Variants in RTCA observed in about 807,000 individuals in gnomAD.
The protein encoded by RTCA is RNA terminal phosphate cyclase domain 1.
In RTCA, 37 loss-of-function variants were observed where a neutral mutation model predicts 46.1. The observed-to-expected ratio is 0.80, with a 90% CI of 0.62 to 1.06. The LOEUF is 1.06. Ranked by LOEUF, RTCA falls within the 50% of genes least tolerant of loss-of-function variation. The pLI is 0.00. For missense variants in RTCA, 435 were observed against 455.5 expected, an observed-to-expected ratio of 0.95 and a Z score of 0.41; for synonymous variants, 164 against 158.3, an observed-to-expected ratio of 1.04 and a Z score of -0.27.
Position 100,292,502 on chromosome 1 carries a change from C to G in RTCA, c.*998C>G, listed in dbSNP as rs1246792420. ...ATTTTTAGTAGAGACGGGGTTTCAC[C>G]ATGTTGGCTAGGATGGTCTCCATCT... is the stretch of plus-strand genomic sequence containing the variant. On this transcript the variant is annotated 3_prime_UTR_variant, in exon 11 of 11. Transcript: ENST00000370128. 6.6e-6 allele frequency: 1 copy of G among 151,878 alleles called. No homozygotes were observed. Among genetic ancestry groups the G allele is most frequent in the African/African-American group, 2.4e-5 (1 of 41,306 alleles). The allele number at this position is 151,878 out of a possible 1,614,324, so 9.4% of individuals were successfully genotyped here. A position where few individuals can be genotyped will look rare whatever the true frequency, so the allele number is the denominator to read the frequency against.
At chr1:100,270,475 A>G (rs891781158) in intron 3 of RTCA, 82 bp from the exon 4 acceptor site, 3 of 1,538,582 alleles carry the variant, frequency 1.9e-6, no homozygotes, top group Non-Finnish European at 2.6e-6. Context: ...GTAGTGATGA[A>G]CAAGAATATA....
At chr1:100,288,799 A>G (rs1030029448) in intron 10 of RTCA, among the ~76,000 whole-genome samples, 8 of 151,994 alleles carry the variant, frequency 5.3e-5, no homozygotes, top group African/African-American at 1.9e-4. Flanking sequence ...CCCTACTCCT[A>G]TTTGTATGAT....
At chr1:100,275,365 C>A (rs1341502580) in intron 6 of RTCA, among the ~76,000 whole-genome samples, 1 of 152,146 alleles carries the variant, frequency 6.6e-6, no homozygotes, top group East Asian at 1.9e-4. Context: ...TGCACATGTA[C>A]CTCCTGAACC....
At chr1:100,279,242 G>A (rs4504908) in intron 8 of RTCA, among the ~76,000 whole-genome samples, 116,013 of 152,092 alleles carry the variant, frequency 0.76, 46,403 homozygotes, top group East Asian at 0.94. Context: ...GGATTCAAAA[G>A]TGACAGCTAT....
chr1:100,283,030 C>G (rs1557978924), intron 8 of RTCA, among the ~76,000 whole-genome samples: 1 of 151,906 alleles, frequency 6.6e-6, no homozygotes, highest in Non-Finnish European at 1.5e-5. Flanking sequence ...CTCCTGTACT[C>G]AAGCTATCTG....
chr1:100,275,361 T>A (rs975956305), intron 6 of RTCA, among the ~76,000 whole-genome samples: 1 of 152,194 alleles, frequency 6.6e-6, no homozygotes, highest in African/African-American at 2.4e-5. Context: ...AACCTGCACA[T>A]GTACCTCCTG....
In RTCA at chr1:100,270,558, A is replaced by G; in HGVS notation, c.292A>G (p.Ser98Gly). 1.2e-6 allele frequency: 2 copies of G among 1,613,790 alleles called. No homozygotes were observed. The highest frequency in any genetic ancestry group is 1.7e-6 in the Non-Finnish European group (2 of 1,179,874). ...AAGCCCCTTCTGCCTTCTCCTTAGG[A>G]GTGTGTGCCTCTTGATGCAGGTCTC... ...IHTADTKTAG[S>G]VCLLMQVSMP... is the part of the protein sequence containing the mutation. Residue 98 changes from serine (S) to glycine (G), a missense_variant and splice_region_variant, in exon 4 of 11, where the codon AGT becomes GGT. Transcript: ENST00000370128.
intron 2 of RTCA, chr1:100,267,584 T>C (rs1166434669): frequency 2.0e-6 from 3 of 1,515,524 alleles, no homozygotes; most frequent in South Asian, 1.3e-5. Context: ...GCTCCAGGCC[T>C]GTCTTTTTGC....
At chr1:100,274,708 A>G (rs1666279354) in intron 5 of RTCA, 116 bp from the exon 6 acceptor site, 1 of 1,152,002 alleles carries the variant, frequency 8.7e-7, no homozygotes, top group Non-Finnish European at 1.2e-6. Context: ...TAAAATATTT[A>G]GACCTTTCCA....
intron 8 of RTCA, among the ~76,000 whole-genome samples, chr1:100,278,687 G>A (rs1666532708): frequency 6.6e-6 from 1 of 152,180 alleles, no homozygotes; most frequent in South Asian, 2.1e-4. Context: ...AAAAAATTAG[G>A]AATTCTTCAG....
At chr1:100,275,984 C>T (rs546241295) in intron 7 of RTCA, among the ~76,000 whole-genome samples, 51 of 151,884 alleles carry the variant, frequency 3.4e-4, no homozygotes, top group Admixed American at 3.0e-3. Context: ...TACAGGCGCC[C>T]ACCACCACGC....
In RTCA at chr1:100,291,603, T is replaced by G. The variant is rs41287262; in HGVS notation, c.*99T>G. On this transcript the variant is annotated 3_prime_UTR_variant, in exon 11 of 11. Transcript: ENST00000370128. Reference sequence around the variant, plus strand: ...AAGTAACTTATTAAAGGCTATGACTTAAATTTGAAGATGAAGTACAGTGTT... The same window carrying G: ...AAGTAACTTATTAAAGGCTATGACTGAAATTTGAAGATGAAGTACAGTGTT... 1,908 of 754,846 alleles carry G rather than the reference T, an allele frequency of 2.5e-3. 6 individuals carry two copies. Among genetic ancestry groups the G allele is most frequent in the Non-Finnish European group, 3.4e-3 (1,572 of 461,812 alleles). The allele number at this position is 754,846 out of a possible 1,614,324, so 46.8% of individuals were successfully genotyped here. A position where few individuals can be genotyped will look rare whatever the true frequency, so the allele number is the denominator to read the frequency against.
At position 100,266,322 on chromosome 1, in the gene RTCA, C is replaced by A. The variant is rs1196520335; in HGVS notation, c.-54C>A. 6.3e-7 allele frequency: 1 copy of A among 1,595,668 alleles called. No homozygotes were observed. Among genetic ancestry groups the A allele is most frequent in the African/African-American group, 1.4e-5 (1 of 73,468 alleles). On this transcript the variant is annotated 5_prime_UTR_variant, in exon 1 of 11. Transcript: ENST00000370128. ...GGGCGGGAGCCAACGTCTCTTCTTTCTCCCGCTCTGGCGGAGGCTTTGTCG... is the reference window on the plus strand; with the variant it reads ...GGGCGGGAGCCAACGTCTCTTCTTTATCCCGCTCTGGCGGAGGCTTTGTCG...
chr1:100,270,419 ACT>A (rs1292249905), intron 3 of RTCA, 136 bp from the exon 4 acceptor site: 72 of 974,322 alleles, frequency 7.4e-5, no homozygotes, highest in Non-Finnish European at 9.2e-5. Context: ...TTAACTAGAA[ACT>A]CAATGGCATA....
chr1:100,270,703 A>G, intron 4 of RTCA, 23 bp downstream of exon 4: 1 of 1,611,218 alleles, frequency 6.2e-7, no homozygotes. Context: ...GTTGTTGACA[A>G]ACTAAGATGA....
intron 3 of RTCA, 131 bp from the exon 4 acceptor site, chr1:100,270,426 G>A: frequency 9.6e-7 from 1 of 1,038,996 alleles, no homozygotes; most frequent in South Asian, 1.8e-5. Context: ...GAAACTCAAT[G>A]GCATATACCT....
intron 7 of RTCA, among the ~76,000 whole-genome samples, chr1:100,276,513 C>A (rs187893555): frequency 6.6e-6 from 1 of 152,192 alleles, no homozygotes; most frequent in East Asian, 1.9e-4. Flanking sequence ...CCTGTCTCTA[C>A]TAAAAATACA....
intron 9 of RTCA, among the ~76,000 whole-genome samples, chr1:100,285,651 ATT>A (rs1056435804): frequency 2.8e-5 from 4 of 144,428 alleles, no homozygotes; most frequent in Non-Finnish European, 1.5e-5. Flanking sequence ...CTCAACAACA[ATT>A]TTTTTTTTTT....
chr1:100,275,673 G>T lies in RTCA; in HGVS notation c.690G>T (p.Gln230His). The change falls in exon 7 of 11, where the codon CAG becomes CAT. Residue 230 changes from glutamine to histidine, a missense_variant. Coordinates refer to ENST00000370128, the MANE Select transcript of RTCA (RefSeq NM_003729.4). ...KEIRDLYVNI[Q>H]PVQEPKDQAF... ...TCCGGGATTTGTATGTTAACATCCA[G>T]CCTGTTCAAGAACCTAAAGACCAAG... The T allele has an allele frequency of 6.2e-7, 1 of 1,612,348 alleles. No individual in the cohort carries two copies. The highest frequency in any genetic ancestry group is 2.2e-5 in the East Asian group (1 of 44,784).
Sources: gnomAD v4.1 joint callset for allele counts (sites outside exome capture counted in the v4.1 genomes callset) on GRCh38, gnomAD v4.1.1 for gene constraint, MANE v1.5 for transcripts, NCBI Gene and HGNC (gene_info 2026-07-23, HGNC 2026-07-21) for gene names.